The following XG variants were observed in gnomAD, a reference collection of about 807,000 sequenced individuals.
XG encodes glycoprotein Xg.
Under a neutral mutation model 25.7 loss-of-function variants are expected in XG, and 24 were observed. The observed-to-expected ratio is 0.93, with a 90% CI of 0.68 to 1.31. The LOEUF (loss-of-function observed/expected upper bound fraction) is 1.31, where lower values mean the gene tolerates loss of function less well. Ranked by LOEUF, XG falls within the 40% of genes most tolerant of loss-of-function variation. The pLI, the probability that XG is intolerant of heterozygous loss-of-function variation, is 0.00. For missense variants in XG, 181 were observed against 187.6 expected, an observed-to-expected ratio of 0.96 and a Z score of 0.21; for synonymous variants, 77 against 69.2, an observed-to-expected ratio of 1.11 and a Z score of -0.56.
At chrX:2,792,027 A>G (rs2086841839) in intron 5 of XG, among the ~76,000 whole-genome samples, 1 of 110,931 alleles carries the variant, frequency 9.0e-6, no homozygotes, top group Non-Finnish European at 1.9e-5. Flanking sequence ...TCATTCAGGT[A>G]ATCCCAGCAC....
At chrX:2,759,284 A>G (rs1243943253) in intron 1 of XG, among the ~76,000 whole-genome samples, 2 of 152,214 alleles carry the variant, frequency 1.3e-5, no homozygotes, top group African/African-American at 2.4e-5. Context: ...CCCAAGTGTC[A>G]TTAGTGCTGT....
At chrX:2,788,903 A>G (rs11152546) in intron 4 of XG, among the ~76,000 whole-genome samples, 9,071 of 109,851 alleles carry the variant, frequency 0.083, 943 homozygotes, top group African/African-American at 0.28. Context: ...CTTGAGGAAC[A>G]TGCAAAAGTC....
chrX:2,798,880 TTTTC>T (rs771720184), intron 7 of XG, among the ~76,000 whole-genome samples: 42 of 104,801 alleles, frequency 4.0e-4, no homozygotes, highest in Non-Finnish European at 6.8e-4. Flanking sequence ...TTTTTTTTCT[TTTTC>T]TTTCTTTTTT....
Position 2,781,423 on chromosome X carries a change from G to A in XG, c.128-643G>A, listed in dbSNP as rs764616041. On this transcript the variant is annotated intron_variant, in intron 3 of 10. Transcript: ENST00000644266. ...CCATTAGATTAAGTCAATTTACTGA[G>A]GCTCCTGAGGAAGATCCTCAGGACT... 5.3e-5 allele frequency among the ~76,000 whole-genome samples: 8 copies of A among 150,926 alleles called. No individual in the cohort carries two copies. In the East Asian group the frequency reaches 9.8e-4, roughly 19 times the overall value.
At position 2,782,078 on chromosome X, in the gene XG, A is replaced by G. The variant is rs746399612; in HGVS notation, c.140A>G (p.Lys47Arg). 5.8e-6 allele frequency: 7 copies of G among 1,209,887 alleles called. No individual in the cohort carries two copies. Among genetic ancestry groups the G allele is most frequent in the Admixed American group, 2.2e-5 (1 of 45,702 alleles). The change falls in exon 4 of 11, where the codon AAG (lysine) becomes AGG (arginine). Residue 47 changes from lysine (K) to arginine (R), a missense_variant. By Grantham distance (26) the Lys-to-Arg change is conservative. Transcript: ENST00000644266. ...TKKPNSDIYP[K>R]PKPPYYPQPE... is the part of the protein sequence containing the mutation. ...GTTTCCTCCACAGATATCTACCCAA[A>G]GCCAAAACCACCTTACTACCCACAG...
At chrX:2,789,546 G>A (rs2086816855) in intron 4 of XG, 98 bp from the exon 5 acceptor site, 3 of 495,828 alleles carry the variant, frequency 6.1e-6, no homozygotes, top group East Asian at 4.5e-5. Context: ...GCAATGGGCA[G>A]TAACATCTTT....
chrX:2,755,815 A>T, intron 1 of XG, among the ~76,000 whole-genome samples: 1 of 152,148 alleles, frequency 6.6e-6, no homozygotes, highest in South Asian at 2.1e-4. Flanking sequence ...AGCCATCACC[A>T]GCTGGAAATG....
At chrX:2,809,065 G>A (rs1464312912) in intron 9 of XG, among the ~76,000 whole-genome samples, 1 of 111,415 alleles carries the variant, frequency 9.0e-6, no homozygotes, top group Non-Finnish European at 1.9e-5. Context: ...CCTAGACTAG[G>A]TTAGGTGAGG....
chrX:2,769,308 G>A (rs1405234949), intron 1 of XG, among the ~76,000 whole-genome samples: 1 of 152,180 alleles, frequency 6.6e-6, no homozygotes, highest in Non-Finnish European at 1.5e-5. Context: ...GTTCCCCCAG[G>A]CTTAGCCTCC....
chrX:2,764,284 G>A (rs2050627893), intron 1 of XG, among the ~76,000 whole-genome samples: 1 of 152,120 alleles, frequency 6.6e-6, no homozygotes, highest in South Asian at 2.1e-4. Flanking sequence ...GCAACCAGTG[G>A]CCCTCGGGGC....
intron 4 of XG, among the ~76,000 whole-genome samples, chrX:2,784,702 G>C (rs1263122691): frequency 8.9e-6 from 1 of 111,975 alleles, no homozygotes; most frequent in Non-Finnish European, 1.9e-5. Flanking sequence ...AGGAGGAGGA[G>C]TGGGGGAAGA....
chrX:2,804,694 C>T (rs1337787211), intron 7 of XG, among the ~76,000 whole-genome samples: 1 of 111,539 alleles, frequency 9.0e-6, no homozygotes. Flanking sequence ...AAGCGGCTCC[C>T]CTGAGAGCCC....
At chrX:2,768,186 G>A (rs1040624577) in intron 1 of XG, among the ~76,000 whole-genome samples, 3 of 152,286 alleles carry the variant, frequency 2.0e-5, no homozygotes, top group Middle Eastern at 3.4e-3. Context: ...GGGAGTGGCC[G>A]GGTGCACAGA....
At chrX:2,778,211 A>G (rs2051043444) in intron 3 of XG, among the ~76,000 whole-genome samples, 1 of 152,132 alleles carries the variant, frequency 6.6e-6, no homozygotes, top group South Asian at 2.1e-4. Context: ...GCATTTCCCC[A>G]GAAATACCAG....
At chrX:2,758,528 C>A (rs2050486640) in intron 1 of XG, among the ~76,000 whole-genome samples, 1 of 152,198 alleles carries the variant, frequency 6.6e-6, no homozygotes, top group Non-Finnish European at 1.5e-5. Context: ...CTCTCCAATT[C>A]GGTGATGTGT....
At chrX:2,794,674 T>C in intron 6 of XG, 71 bp downstream of exon 6, 1 of 1,120,706 alleles carries the variant, frequency 8.9e-7, no homozygotes, top group Non-Finnish European at 1.2e-6. Flanking sequence ...AGGCCTGAAG[T>C]TGGGGATGAG....
chrX:2,771,767 G>C (rs1164299114), intron 2 of XG, among the ~76,000 whole-genome samples: 1 of 152,172 alleles, frequency 6.6e-6, no homozygotes, highest in Non-Finnish European at 1.5e-5. Flanking sequence ...ATCCTAAAAA[G>C]CCAACAACAA....
chrX:2,794,654 G>A, intron 6 of XG, 51 bp downstream of exon 6: 1 of 1,178,735 alleles, frequency 8.5e-7, no homozygotes, highest in Non-Finnish European at 1.1e-6. Context: ...CACAGAGAGG[G>A]TGGGATGAGA....
chrX:2,790,410 G>T (rs1458652999), intron 5 of XG, among the ~76,000 whole-genome samples: 5 of 107,676 alleles, frequency 4.6e-5, no homozygotes, highest in African/African-American at 1.7e-4. Context: ...TGAAGCAGGA[G>T]AATCGCTTGA....
Sources: gnomAD v4.1 joint callset for allele counts (sites outside exome capture counted in the v4.1 genomes callset) on GRCh38, gnomAD v4.1.1 for gene constraint, MANE v1.5 for transcripts, NCBI Gene and HGNC (gene_info 2026-07-23, HGNC 2026-07-21) for gene names.